Variants in PDCD1 observed in about 807,000 individuals in gnomAD.
The protein encoded by PDCD1 is programmed cell death 1.
PDCD1 carries 10 observed loss-of-function variants against 23.6 expected under a neutral mutation model. The ratio of observed to expected loss-of-function variants is 0.42; its 90% CI spans 0.26 to 0.72. The LOEUF (loss-of-function observed/expected upper bound fraction) is 0.72, where lower values mean the gene tolerates loss of function less well. Among genes scored for constraint, PDCD1 ranks in the 30% least tolerant of loss-of-function variants. PDCD1 has a pLI of 0.24. For missense variants in PDCD1, 313 were observed against 397.8 expected (o/e 0.79, Z 1.81); for synonymous variants, 168 against 169.3 (o/e 0.99, Z 0.06).
At chr2:241,852,411 G>T in intron 2 of PDCD1, 58 bp from the exon 3 acceptor site, 2 of 1,262,630 alleles carry the variant, frequency 1.6e-6, no homozygotes. Context: ...GTCAGGGTCA[G>T]GGGTGAGGGC....
chr2:241,852,091 G>T, intron 3 of PDCD1, 107 bp downstream of exon 3: 3 of 1,430,872 alleles, frequency 2.1e-6, no homozygotes, highest in South Asian at 1.3e-5. Flanking sequence ...GCGGGGAGAT[G>T]GGGGGAGGTG....
rs1027872046 is a variant in PDCD1 at position 241,850,651 on chromosome 2, C to T, written c.*407G>A. ...TTGGCTGCTCCAAGGCCATCTCCAA[C>T]CAGCCCCCAAGTTCAGGCAGGAGGC... On this transcript the variant is annotated 3_prime_UTR_variant, in exon 5 of 5. Transcript: ENST00000334409. 4.2e-6 allele frequency: 2 copies of T among 478,606 alleles called. No homozygotes were observed. Among genetic ancestry groups the T allele is most frequent in the Admixed American group, 3.1e-5 (1 of 32,218 alleles). 29.6% of individuals were successfully genotyped at this position (478,606 alleles called of 1,614,324 possible).
At chr2:241,857,506 T>G (rs1215678504) in intron 1 of PDCD1, among the ~76,000 whole-genome samples, 1 of 152,028 alleles carries the variant, frequency 6.6e-6, no homozygotes, top group Non-Finnish European at 1.5e-5. Context: ...CCCTCCCCTG[T>G]GACGAGCGCC....
In PDCD1 at chr2:241,852,714, G is replaced by A. The variant is rs746911137; in HGVS notation, c.343C>T (p.Arg115Cys). The A allele has an allele frequency of 9.9e-6, 16 of 1,613,714 alleles. No individual in the cohort carries two copies. The highest frequency in any genetic ancestry group is 2.2e-5 in the South Asian group (2 of 91,090). Reference sequence around the variant, plus strand: ...CAGAGGTAGGTGCCGCTGTCATTGCGCCGGGCCCTGACCACGCTCATGTGG... The same window carrying A: ...CAGAGGTAGGTGCCGCTGTCATTGCACCGGGCCCTGACCACGCTCATGTGG... ...DFHMSVVRAR[R>C]NDSGTYLCGA... Residue 115 changes from arginine (R) to cysteine (C), a missense_variant, in exon 2 of 5, where the codon CGC becomes TGC. By Grantham distance (180) the Arg-to-Cys change is radical (BLOSUM62 -3). Transcript: ENST00000334409.
rs1387387695 is a variant in PDCD1, at chr2:241,850,605, G to T, written c.*453C>A. The T allele has an allele frequency of 4.6e-6, 2 of 436,894 alleles. No homozygotes were observed. The highest frequency in any genetic ancestry group is 8.6e-6 in the Non-Finnish European group (2 of 231,966). 27.1% of individuals were successfully genotyped at this position (436,894 alleles called of 1,614,324 possible). On this transcript the variant is annotated 3_prime_UTR_variant, in exon 5 of 5. Transcript: ENST00000334409. ...GGGCCCTGCGTCCAGGGCGTTTCGG[G>T]ATGCCACTGCCAGGGGCACCTTGGC...
intron 1 of PDCD1, 133 bp downstream of exon 1, chr2:241,858,630 G>A: frequency 1.3e-6 from 1 of 762,758 alleles, no homozygotes; most frequent in Non-Finnish European, 2.3e-6. Flanking sequence ...GGTCCCTCCA[G>A]ACCCCTCGCT....
rs1700912112 is a variant in PDCD1, at chr2:241,851,997, C to T, written c.593-14G>A. The T allele has an allele frequency of 6.2e-7, 1 of 1,612,130 alleles. No homozygotes were observed. The highest frequency in any genetic ancestry group is 8.5e-7 in the Non-Finnish European group (1 of 1,179,402). On this transcript the variant is annotated splice_polypyrimidine_tract_variant and intron_variant, in intron 3 of 4. Coordinates refer to ENST00000334409, the MANE Select transcript of PDCD1 (RefSeq NM_005018.3). ...CTCCTATTGTCCCTGCAGAGAAACA[C>T]ACTTGGGGTCACCAGGCCGACCCTG...
At chr2:241,851,840 A>C in intron 4 of PDCD1, 109 bp downstream of exon 4, 1 of 1,082,988 alleles carries the variant, frequency 9.2e-7, no homozygotes, top group Non-Finnish European at 1.4e-6. Context: ...GGTCCTGGCT[A>C]TAATAGAATG....
At position 241,850,723 on chromosome 2, in the gene PDCD1, G is replaced by GGCAGCAGCAGCAGCAGCA. The variant is rs56029561; in HGVS notation, c.*317_*334dup. On this transcript the variant is annotated 3_prime_UTR_variant, in exon 5 of 5. Transcript: ENST00000334409. ...ACGGCGCCTTCAGCCCCGGGCCGCAGGCAGCAGCAGCAGCAGCAGCAGCAG... is the reference window on the plus strand; with the variant it reads ...ACGGCGCCTTCAGCCCCGGGCCGCAGGCAGCAGCAGCAGCAGCAGCAGCAGCAGCAGCAGCAGCAGCAG... The GGCAGCAGCAGCAGCAGCA allele has an allele frequency of 1.2e-5, 7 of 579,400 alleles. No homozygotes were observed. Among genetic ancestry groups the GGCAGCAGCAGCAGCAGCA allele is most frequent in the African/African-American group, 1.1e-4 (6 of 54,784 alleles). 35.9% of individuals were successfully genotyped at this position (579,400 alleles called of 1,614,324 possible). A position where few individuals can be genotyped will look rare whatever the true frequency, so the allele number is the denominator to read the frequency against.
At chr2:241,851,692 C>A (rs1254440533) in intron 4 of PDCD1, among the ~76,000 whole-genome samples, 1 of 148,938 alleles carries the variant, frequency 6.7e-6, no homozygotes, top group Admixed American at 6.6e-5. Flanking sequence ...CAGGCGGGCA[C>A]ACGCGTGGGC....
chr2:241,855,671 A>G (rs1414239560), intron 1 of PDCD1, among the ~76,000 whole-genome samples: 1 of 152,230 alleles, frequency 6.6e-6, no homozygotes, highest in Non-Finnish European at 1.5e-5. Flanking sequence ...AGAAGCGCAC[A>G]GAAGAAGGCT....
chr2:241,850,656 C>T lies in PDCD1; in HGVS notation c.*402G>A, dbSNP rs1700879953. 4 of 482,756 alleles carry T rather than the reference C, an allele frequency of 8.3e-6. No individual in the cohort carries two copies. The highest frequency in any genetic ancestry group is 3.8e-5 in the East Asian group (1 of 26,044). 29.9% of individuals were successfully genotyped at this position (482,756 alleles called of 1,614,324 possible). A position where few individuals can be genotyped will look rare whatever the true frequency, so the allele number is the denominator to read the frequency against. On this transcript the variant is annotated 3_prime_UTR_variant, in exon 5 of 5. Coordinates refer to ENST00000334409, the MANE Select transcript of PDCD1 (RefSeq NM_005018.3). ...TGCTCCAAGGCCATCTCCAACCAGC[C>T]CCCAAGTTCAGGCAGGAGGCTCCGG...
At chr2:241,854,389 C>T (rs1486859911) in intron 1 of PDCD1, among the ~76,000 whole-genome samples, 2 of 152,222 alleles carry the variant, frequency 1.3e-5, no homozygotes, top group African/African-American at 2.4e-5. Flanking sequence ...GTCTGCCGGC[C>T]GGCCAGGGGA....
chr2:241,856,588 G>A lies in PDCD1; in HGVS notation c.76+2175C>T, dbSNP rs564373963. On this transcript the variant is annotated intron_variant, in intron 1 of 4. Transcript: ENST00000334409. ...GCAGTGGCTTATGCCTGTAATCCCA[G>A]TACTTGGGGAGGCTGAGGTGGGAGG... Among the ~76,000 whole-genome samples the A allele has an allele frequency of 3.3e-5, 5 of 152,272 alleles. No individual in the cohort carries two copies. In the East Asian group the frequency reaches 5.8e-4, roughly 18 times the overall value.
In PDCD1 at chr2:241,852,704, C is replaced by G. The variant is rs1321197713; in HGVS notation, c.353G>C (p.Ser118Thr). ...GATGGCCCCACAGAGGTAGGTGCCG[C>G]TGTCATTGCGCCGGGCCCTGACCAC... ...MSVVRARRNDSGTYLCGAISL... is the reference protein window; with the variant it reads ...MSVVRARRNDTGTYLCGAISL... The change falls in exon 2 of 5, where the codon AGC (serine) becomes ACC (threonine). Residue 118 changes from serine (S) to threonine (T), a missense_variant. Physicochemically the swap from Ser to Thr is moderately conservative, Grantham distance 58 (BLOSUM62 1). Coordinates refer to ENST00000334409, the MANE Select transcript of PDCD1 (RefSeq NM_005018.3). 6.2e-7 allele frequency: 1 copy of G among 1,613,720 alleles called. No homozygotes were observed. The highest frequency in any genetic ancestry group is 1.7e-5 in the Admixed American group (1 of 60,032).
rs1015394467 is a variant in PDCD1 at position 241,850,685 on chromosome 2, G to C, written c.*373C>G. On this transcript the variant is annotated 3_prime_UTR_variant, in exon 5 of 5. Coordinates refer to ENST00000334409, the MANE Select transcript of PDCD1 (RefSeq NM_005018.3). ...AAGTTCAGGCAGGAGGCTCCGGGGCGTCAGGCAGGGCCACGGCGCCTTCAG... is the reference window on the plus strand; with the variant it reads ...AAGTTCAGGCAGGAGGCTCCGGGGCCTCAGGCAGGGCCACGGCGCCTTCAG... 1.0e-5 allele frequency: 5 copies of C among 495,138 alleles called. No individual in the cohort carries two copies. 30.7% of individuals were successfully genotyped at this position (495,138 alleles called of 1,614,324 possible).
chr2:241,854,863 AC>A lies in PDCD1; in HGVS notation c.77-1884del, dbSNP rs577657127. Among the ~76,000 whole-genome samples, 35 of 151,570 alleles carry A rather than the reference AC, an allele frequency of 2.3e-4. No individual in the cohort carries two copies. The South Asian group carries it at 6.1e-3, about 26-fold the overall frequency. On this transcript the variant is annotated intron_variant, in intron 1 of 4. Coordinates refer to ENST00000334409, the MANE Select transcript of PDCD1 (RefSeq NM_005018.3). ...CTGCATGGCTAGGAAGTGCTAAGGG[AC>A]CCCCCAGCTGTAGGGCGAGGTGCTG... is the stretch of plus-strand genomic sequence containing the variant.
chr2:241,852,832 C>G lies in PDCD1; in HGVS notation c.225G>C (p.Gln75His), dbSNP rs1451878745. 6.2e-7 allele frequency: 1 copy of G among 1,611,482 alleles called. No homozygotes were observed. The change falls in exon 2 of 5, where the codon CAG (glutamine) becomes CAC (histidine). Residue 75 changes from glutamine to histidine, a missense_variant. By Grantham distance (24) the Gln-to-His change is conservative. This residue lies in a region of PDCD1 where 135 missense variants were observed against 166.9 expected (regional missense o/e 0.81). Coordinates refer to ENST00000334409, the MANE Select transcript of PDCD1 (RefSeq NM_005018.3). ...LNWYRMSPSN[Q>H]TDKLAAFPED... ...CGGGGAAGGCGGCCAGCTTGTCCGT[C>G]TGGTTGCTGGGGCTCATGCGGTACC...
At chr2:241,854,765 G>T (rs1700986633) in intron 1 of PDCD1, among the ~76,000 whole-genome samples, 1 of 152,202 alleles carries the variant, frequency 6.6e-6, no homozygotes, top group South Asian at 2.1e-4. Context: ...CCAGGCCAGG[G>T]CTGCCATGCA....
Sources: gnomAD v4.1 joint callset for allele counts (sites outside exome capture counted in the v4.1 genomes callset) on GRCh38, gnomAD v4.1.1 for gene constraint, gnomAD v4.1.1 regional missense constraint, MANE v1.5 for transcripts, NCBI Gene and HGNC (gene_info 2026-07-23, HGNC 2026-07-21) for gene names.